Variants in ATP2A2 observed in about 807,000 individuals in gnomAD.
The protein encoded by ATP2A2 is ATPase sarcoplasmic/endoplasmic reticulum Ca2+ transporting 2, also known as sarcoplasmic/endoplasmic reticulum calcium ATPase 2.
ATP2A2 carries 14 observed loss-of-function variants against 109.3 expected under a neutral mutation model. The observed-to-expected ratio is 0.13, with a 90% CI of 0.08 to 0.20. The LOEUF is 0.20. ATP2A2 is among the 10% of genes least tolerant of loss of function. ATP2A2 has a pLI of 1.00. For missense variants in ATP2A2, 657 were observed against 1,321.6 expected (o/e 0.50, Z 7.80); for synonymous variants, 506 against 490.9 (o/e 1.03, Z -0.41).
chr12:110,311,715 A>G (rs1876091218), intron 5 of ATP2A2, among the ~76,000 whole-genome samples: 1 of 146,528 alleles, frequency 6.8e-6, no homozygotes, highest in Admixed American at 6.9e-5. Flanking sequence ...TTTGTAAAAT[A>G]TGAAAAGAGA....
chr12:110,292,601 T>G (rs1202954824), intron 4 of ATP2A2, among the ~76,000 whole-genome samples: 1 of 152,164 alleles, frequency 6.6e-6, no homozygotes, highest in Non-Finnish European at 1.5e-5. Flanking sequence ...TTTTTGACCT[T>G]AATGCATATA....
In ATP2A2 at chr12:110,345,338, G is replaced by C; in HGVS notation, c.2697G>C (p.Ala899=). ...AATCCCCATACCCGATGACAATGGC[G>C]CTCTCTGTTCTAGTAACTATAGAAA... ...IFESPYPMTM[A]LSVLVTIEMC... The change falls in exon 18 of 20, where the codon GCG becomes GCC. Residue 899 remains alanine, a synonymous_variant. Coordinates refer to ENST00000539276, the MANE Select transcript of ATP2A2 (RefSeq NM_170665.4). The C allele has an allele frequency of 6.2e-7, 1 of 1,614,180 alleles. No individual in the cohort carries two copies. The highest frequency in any genetic ancestry group is 8.5e-7 in the Non-Finnish European group (1 of 1,180,018).
intron 5 of ATP2A2, among the ~76,000 whole-genome samples, chr12:110,313,705 C>CTTTTT (rs137984643): frequency 3.6e-5 from 4 of 111,908 alleles, no homozygotes; most frequent in African/African-American, 1.0e-4. Flanking sequence ...GATAATGGAA[C>CTTTTT]TTTTTTTTTT....
intron 1 of ATP2A2, among the ~76,000 whole-genome samples, 180 bp from the exon 2 acceptor site, chr12:110,282,424 C>T (rs1441019927): frequency 6.6e-6 from 1 of 152,116 alleles, no homozygotes; most frequent in African/African-American, 2.4e-5. Flanking sequence ...GAGATATCTT[C>T]GTGGTATGCC....
At chr12:110,287,788 G>T (rs1592789971) in intron 3 of ATP2A2, among the ~76,000 whole-genome samples, 3 of 151,792 alleles carry the variant, frequency 2.0e-5, no homozygotes, top group Non-Finnish European at 4.4e-5. Flanking sequence ...GTAATTTTTT[G>T]TATTTTTAGT....
At chr12:110,311,613 A>AC (rs778834961) in intron 5 of ATP2A2, among the ~76,000 whole-genome samples, 5,067 of 144,996 alleles carry the variant, frequency 0.035, 221 homozygotes, top group African/African-American at 0.071. Context: ...AAAAAAAAAA[A>AC]AAAAAAAAAC....
At position 110,344,063 on chromosome 12, in the gene ATP2A2, CCCTGTGCCCTT is replaced by C. The variant is rs1365353992; in HGVS notation, c.2521+632_2521+642del. On this transcript the variant is annotated intron_variant, in intron 16 of 19. Coordinates refer to ENST00000539276, the MANE Select transcript of ATP2A2 (RefSeq NM_170665.4). ...CCTCTGGCGTTGAGGTGCTCATGTACCCTGTGCCCTTCCGGAGAGATTCCAGCATGCTGTGC... is the reference window on the plus strand; with the variant it reads ...CCTCTGGCGTTGAGGTGCTCATGTACCCGGAGAGATTCCAGCATGCTGTGC... 2.6e-5 allele frequency among the ~76,000 whole-genome samples: 4 copies of C among 152,168 alleles called. No individual in the cohort carries two copies. In the South Asian group the frequency reaches 8.3e-4, roughly 32 times the overall value.
intron 5 of ATP2A2, among the ~76,000 whole-genome samples, chr12:110,313,310 C>CTTTTT (rs748790705): frequency 3.2e-4 from 36 of 113,190 alleles, no homozygotes; most frequent in Non-Finnish European, 4.2e-4. Context: ...ACCACCTTTC[C>CTTTTT]TTTTTTTTTT....
At chr12:110,284,664 T>C (rs573685995) in intron 3 of ATP2A2, among the ~76,000 whole-genome samples, 1 of 152,324 alleles carries the variant, frequency 6.6e-6, no homozygotes, top group South Asian at 2.1e-4. Flanking sequence ...TTTTATAAGA[T>C]AGGACCTTGG....
At chr12:110,341,057 T>G in intron 14 of ATP2A2, 63 bp downstream of exon 14, 1 of 1,569,160 alleles carries the variant, frequency 6.4e-7, no homozygotes, top group Middle Eastern at 1.7e-4. Context: ...GCCTCTAATT[T>G]TGACCACTGA....
At chr12:110,298,672 C>T (rs1482521509) in intron 5 of ATP2A2, among the ~76,000 whole-genome samples, 4 of 152,124 alleles carry the variant, frequency 2.6e-5, no homozygotes, top group Non-Finnish European at 5.9e-5. Flanking sequence ...GAGCCGAGGT[C>T]GTGCCATTTC....
chr12:110,289,508 G>A (rs3026450), intron 3 of ATP2A2, among the ~76,000 whole-genome samples: 15 of 152,134 alleles, frequency 9.9e-5, no homozygotes, highest in African/African-American at 3.4e-4. Flanking sequence ...CTCACTGGAC[G>A]TTGGTGGTGA....
intron 6 of ATP2A2, among the ~76,000 whole-genome samples, chr12:110,323,930 C>T (rs1877504398): frequency 1.3e-5 from 2 of 152,148 alleles, no homozygotes; most frequent in East Asian, 1.9e-4. Context: ...TAATTTTTTT[C>T]ACTGGAGGAG....
rs774094885 is a variant in ATP2A2 at position 110,339,759 on chromosome 12, C to T, written c.1761+38C>T. On this transcript the variant is annotated intron_variant, in intron 13 of 19. Coordinates refer to ENST00000539276, the MANE Select transcript of ATP2A2 (RefSeq NM_170665.4). The surrounding 1 kb of genome is among the most constrained non-coding windows in gnomAD (Gnocchi z 4.4). The stretch of plus-strand genomic sequence containing the variant: ...AAAGTTTCTTTGTCCACACCCTGCA[C>T]GATTCATTGTGTTTAAACAGTACTC... 32 of 1,592,914 alleles carry T rather than the reference C, an allele frequency of 2.0e-5. No homozygotes were observed. The highest frequency in any genetic ancestry group is 2.6e-5 in the Non-Finnish European group (30 of 1,162,020).
chr12:110,312,251 T>G (rs554282745), intron 5 of ATP2A2, among the ~76,000 whole-genome samples: 31 of 152,224 alleles, frequency 2.0e-4, no homozygotes, highest in African/African-American at 7.5e-4. Context: ...TCAATGTTTC[T>G]CTAACTTCAT....
chr12:110,338,027 T>A (rs1215260096), intron 11 of ATP2A2, among the ~76,000 whole-genome samples: 1 of 152,206 alleles, frequency 6.6e-6, no homozygotes, highest in Non-Finnish European at 1.5e-5. Context: ...TGTCACTCGC[T>A]CCCTCTTTGA....
chr12:110,325,563 G>A (rs575569436), intron 6 of ATP2A2, among the ~76,000 whole-genome samples: 1 of 152,042 alleles, frequency 6.6e-6, no homozygotes, highest in Admixed American at 6.6e-5. Flanking sequence ...GGGAGGCAGA[G>A]GTTTCAGTAA....
intron 5 of ATP2A2, among the ~76,000 whole-genome samples, chr12:110,306,255 G>GTTA: frequency 6.6e-6 from 1 of 152,300 alleles, no homozygotes; most frequent in African/African-American, 2.4e-5. Flanking sequence ...TAGCCAGGAT[G>GTTA]GTCTCGATCT....
intron 5 of ATP2A2, 25 bp from the exon 6 acceptor site, chr12:110,322,967 G>C: frequency 6.4e-7 from 1 of 1,564,386 alleles, no homozygotes; most frequent in Non-Finnish European, 8.8e-7. Context: ...GCTCATTTCA[G>C]CCGCCTTTTT....
Sources: allele counts gnomAD v4.1 joint callset (sites outside exome capture counted in the v4.1 genomes callset), GRCh38; gene constraint gnomAD v4.1.1; non-coding constraint Gnocchi (gnomAD v3.1); transcripts MANE v1.5; gene names NCBI Gene and HGNC (gene_info 2026-07-23, HGNC 2026-07-21).